The following NEK11 variants were observed in gnomAD, a reference collection of about 807,000 sequenced individuals.
The protein encoded by NEK11 is NIMA related kinase 11, also known as serine/threonine-protein kinase Nek11.
Under a neutral mutation model 80.7 loss-of-function variants are expected in NEK11, and 72 were observed. That is an observed-to-expected ratio of 0.89 (90% CI 0.74 to 1.08). The LOEUF (loss-of-function observed/expected upper bound fraction) is 1.08, where lower values mean the gene tolerates loss of function less well. NEK11 is among the 50% of genes least tolerant of loss of function. The pLI, the probability that NEK11 is intolerant of heterozygous loss-of-function variation, is 0.00. For missense variants in NEK11, 764 were observed against 763.6 expected, an observed-to-expected ratio of 1.00 and a Z score of -0.01; for synonymous variants, 251 against 260.7, an observed-to-expected ratio of 0.96 and a Z score of 0.36.
chr3:131,165,374 C>G (rs1579400890), intron 11 of NEK11, 52 bp from the exon 12 acceptor site: 1 of 1,123,482 alleles, frequency 8.9e-7, no homozygotes, highest in African/African-American at 1.5e-5. Flanking sequence ...ATAATATAGA[C>G]ATGGTTTTAG....
intron 17 of NEK11, among the ~76,000 whole-genome samples, chr3:131,342,444 C>T (rs2110411050): frequency 6.6e-6 from 1 of 152,186 alleles, no homozygotes; most frequent in Non-Finnish European, 1.5e-5. Context: ...TTTCCTTAAA[C>T]TATGCCTGTG....
At chr3:131,264,894 C>G (rs1390863426) in intron 16 of NEK11, among the ~76,000 whole-genome samples, 2 of 152,086 alleles carry the variant, frequency 1.3e-5, no homozygotes, top group East Asian at 3.9e-4. Flanking sequence ...TTTCATTGAA[C>G]AGTGGTTTGT....
chr3:131,208,351 G>C (rs1202563573), intron 14 of NEK11, among the ~76,000 whole-genome samples: 1 of 152,198 alleles, frequency 6.6e-6, no homozygotes, highest in East Asian at 1.9e-4. Context: ...GTACCATGCT[G>C]TTTTGGTTAC....
intron 7 of NEK11, among the ~76,000 whole-genome samples, chr3:131,141,964 G>A (rs908398): frequency 0.091 from 13,791 of 152,168 alleles, 1,146 homozygotes; most frequent in East Asian, 0.44. Flanking sequence ...GCTTTGCTGC[G>A]GTAACAAAGA....
chr3:131,066,833 C>T (rs1403579612), intron 3 of NEK11, among the ~76,000 whole-genome samples: 1 of 134,902 alleles, frequency 7.4e-6, no homozygotes, highest in Non-Finnish European at 1.6e-5. Flanking sequence ...CAGAGCCAGA[C>T]TTGTCTCAAA....
At chr3:131,333,559 C>T (rs2097131233) in intron 17 of NEK11, among the ~76,000 whole-genome samples, 1 of 152,158 alleles carries the variant, frequency 6.6e-6, no homozygotes, top group Middle Eastern at 3.2e-3. Context: ...ACTGCATCAA[C>T]TAACGAGCAA....
At chr3:131,061,705 T>C (rs1439262040) in intron 3 of NEK11, among the ~76,000 whole-genome samples, 1 of 152,218 alleles carries the variant, frequency 6.6e-6, no homozygotes, top group African/African-American at 2.4e-5. Context: ...AGCAACAAAA[T>C]AAGACTTAGC....
At chr3:131,146,842 C>T (rs2718870) in intron 7 of NEK11, among the ~76,000 whole-genome samples, 124,015 of 152,012 alleles carry the variant, frequency 0.82, 50,680 homozygotes, top group East Asian at 0.85. Flanking sequence ...GGCCATTTAG[C>T]GTCCGTTCAA....
At chr3:131,302,599 C>T (rs1345518366) in intron 17 of NEK11, among the ~76,000 whole-genome samples, 1 of 152,166 alleles carries the variant, frequency 6.6e-6, no homozygotes, top group Non-Finnish European at 1.5e-5. Flanking sequence ...AACTTAATTG[C>T]ATTGCTTACC....
chr3:131,102,400 T>A (rs1264317234), intron 4 of NEK11, among the ~76,000 whole-genome samples: 1 of 152,220 alleles, frequency 6.6e-6, no homozygotes, highest in Non-Finnish European at 1.5e-5. Context: ...GCATCTGCTT[T>A]TCTGAGAAGG....
chr3:131,273,317 T>A (rs1306529409), intron 16 of NEK11, among the ~76,000 whole-genome samples, 161 bp from the exon 17 acceptor site: 1 of 152,138 alleles, frequency 6.6e-6, no homozygotes, highest in Non-Finnish European at 1.5e-5. Flanking sequence ...TTGGAATAAA[T>A]CTTCTTAATG....
intron 7 of NEK11, among the ~76,000 whole-genome samples, chr3:131,149,894 G>A (rs1288276446): frequency 1.3e-5 from 2 of 151,278 alleles, no homozygotes; most frequent in Admixed American, 6.6e-5. Flanking sequence ...GGTGTGATTT[G>A]CTGTTTTTTT....
intron 16 of NEK11, among the ~76,000 whole-genome samples, chr3:131,247,907 T>C (rs958435343): frequency 6.6e-6 from 1 of 151,972 alleles, no homozygotes; most frequent in Non-Finnish European, 1.5e-5. Flanking sequence ...GTGATTGTTA[T>C]TGGTGTACAG....
chr3:131,334,603 G>T (rs1367356099), intron 17 of NEK11, among the ~76,000 whole-genome samples: 1 of 150,754 alleles, frequency 6.6e-6, no homozygotes, highest in Non-Finnish European at 1.5e-5. Context: ...CAGAAGGCAA[G>T]AAATAACTAA....
At chr3:131,171,427 G>A (rs188337030) in intron 14 of NEK11, among the ~76,000 whole-genome samples, 27 of 152,276 alleles carry the variant, frequency 1.8e-4, no homozygotes, top group Admixed American at 3.3e-4. Context: ...TACACTTCCA[G>A]TAAACCTCTA....
chr3:131,158,660 T>A (rs2091106800), intron 10 of NEK11, among the ~76,000 whole-genome samples: 1 of 152,312 alleles, frequency 6.6e-6, no homozygotes, highest in African/African-American at 2.4e-5. Context: ...ACATGCACAG[T>A]TGCCAGTGGA....
At chr3:131,343,677 G>T (rs1173112076) in intron 17 of NEK11, among the ~76,000 whole-genome samples, 1 of 152,194 alleles carries the variant, frequency 6.6e-6, no homozygotes, top group Non-Finnish European at 1.5e-5. Context: ...GCACCTGCAG[G>T]CTTAACACCA....
In NEK11 at chr3:131,348,145, G is replaced by A. The variant is rs545378270; in HGVS notation, c.1719-1412G>A. On this transcript the variant is annotated intron_variant, in intron 17 of 17. Transcript: ENST00000383366. ...CCATAAGTACACATATAAATTTTTA[G>A]AGTGAACACACACATAATAGCCCAA... Among the ~76,000 whole-genome samples the A allele has an allele frequency of 8.6e-4, 131 of 152,058 alleles. 1 individual carries two copies. Among genetic ancestry groups the A allele is most frequent in the African/African-American group, 3.0e-3 (126 of 41,442 alleles).
intron 5 of NEK11, among the ~76,000 whole-genome samples, chr3:131,115,683 A>G (rs796563966): frequency 1.1e-4 from 17 of 152,270 alleles, no homozygotes; most frequent in African/African-American, 3.1e-4. Context: ...AGTTATGTCA[A>G]TTTCTTAAGA....
Sources: allele counts gnomAD v4.1 joint callset (sites outside exome capture counted in the v4.1 genomes callset), GRCh38; gene constraint gnomAD v4.1.1; transcripts MANE v1.5; gene names NCBI Gene and HGNC (gene_info 2026-07-23, HGNC 2026-07-21).